Variants in HERC4 observed in about 807,000 individuals in gnomAD.
The protein encoded by HERC4 is probable E3 ubiquitin-protein ligase HERC4.
In HERC4, 28 loss-of-function variants were observed where a neutral mutation model predicts 124.3. The observed-to-expected ratio is 0.23, with a 90% CI of 0.17 to 0.31. The LOEUF (loss-of-function observed/expected upper bound fraction) is 0.31. HERC4 is among the 10% of genes least tolerant of loss of function. HERC4 has a pLI of 1.00. For missense variants in HERC4, 713 were observed against 1,229.3 expected (o/e 0.58, Z 6.28); for synonymous variants, 407 against 421.5 (o/e 0.97, Z 0.42).
At chr10:68,037,077 G>A (rs1461017602) in intron 5 of HERC4, among the ~76,000 whole-genome samples, 1 of 148,104 alleles carries the variant, frequency 6.8e-6, no homozygotes, top group Non-Finnish European at 1.5e-5. Context: ...TGGAGCAAAT[G>A]GAACCTATTT....
intron 8 of HERC4, among the ~76,000 whole-genome samples, chr10:68,017,984 T>C (rs1299559167): frequency 6.6e-6 from 1 of 152,164 alleles, no homozygotes; most frequent in Non-Finnish European, 1.5e-5. Context: ...TTTCAAGCTG[T>C]TCTATTTCCA....
At chr10:67,934,321 TTCA>T (rs1383987982) in intron 22 of HERC4, among the ~76,000 whole-genome samples, 1 of 152,232 alleles carries the variant, frequency 6.6e-6, no homozygotes, top group Non-Finnish European at 1.5e-5. Context: ...AGTTTGCTAA[TTCA>T]TCGCCAACTT....
chr10:67,923,191 T>C lies in HERC4; in HGVS notation c.2942-52A>G, dbSNP rs753863839. The C allele has an allele frequency of 3.7e-6, 5 of 1,353,236 alleles. No homozygotes were observed. In the African/African-American group the frequency reaches 4.3e-5, roughly 12 times the overall value. The allele number at this position is 1,353,236 out of a possible 1,614,324, so 83.8% of individuals were successfully genotyped here. ...ACCACTTCAAAACAAAAAGATACAGTAGCAAGTAATATTTGGTACAGTCGC... is the reference window on the plus strand; with the variant it reads ...ACCACTTCAAAACAAAAAGATACAGCAGCAAGTAATATTTGGTACAGTCGC... On this transcript the variant is annotated intron_variant, in intron 24 of 24. Coordinates refer to ENST00000373700, the MANE Select transcript of HERC4 (RefSeq NM_015601.4).
chr10:67,976,051 T>C (rs57861758), intron 15 of HERC4, among the ~76,000 whole-genome samples: 23 of 151,944 alleles, frequency 1.5e-4, no homozygotes, highest in Non-Finnish European at 2.6e-4. Flanking sequence ...TTTAAGTAAA[T>C]TTTGCTGGAA....
intron 8 of HERC4, among the ~76,000 whole-genome samples, chr10:68,021,634 C>T (rs2038631079): frequency 1.3e-5 from 2 of 152,212 alleles, no homozygotes; most frequent in African/African-American, 2.4e-5. Flanking sequence ...CATGTAGAAA[C>T]CCCATCTCTA....
chr10:67,956,273 A>G (rs2034138687), intron 17 of HERC4: 2 of 152,214 alleles, frequency 1.3e-5, no homozygotes, highest in South Asian at 4.1e-4. Context: ...GTAACCCTTT[A>G]AAGTCATAAT....
intron 19 of HERC4, among the ~76,000 whole-genome samples, chr10:67,953,719 T>C (rs1404751175): frequency 6.6e-6 from 1 of 152,224 alleles, no homozygotes; most frequent in African/African-American, 2.4e-5. Context: ...ATTCATTCTT[T>C]TGAAAAATTG....
At chr10:67,986,674 C>T (rs7918329) in intron 15 of HERC4, among the ~76,000 whole-genome samples, 3 of 152,172 alleles carry the variant, frequency 2.0e-5, no homozygotes, top group African/African-American at 7.2e-5. Flanking sequence ...ATAATGTAAA[C>T]AATACATAAA....
intron 21 of HERC4, among the ~76,000 whole-genome samples, chr10:67,936,611 A>G (rs78113937): frequency 3.9e-5 from 6 of 152,364 alleles, no homozygotes; most frequent in Admixed American, 3.9e-4. Flanking sequence ...TTCTTCCCAC[A>G]TGACAACTGC....
At chr10:67,938,642 T>C (rs1018062355) in intron 21 of HERC4, among the ~76,000 whole-genome samples, 1 of 151,764 alleles carries the variant, frequency 6.6e-6, no homozygotes, top group East Asian at 2.0e-4. Flanking sequence ...TGTGACTGGA[T>C]CAGTTATTTA....
chr10:68,038,027 T>C (rs1353751207), intron 5 of HERC4, 66 bp downstream of exon 5: 10 of 861,374 alleles, frequency 1.2e-5, no homozygotes, highest in Non-Finnish European at 1.7e-5. Context: ...TGGAGAACTA[T>C]ATGCACAATC....
intron 8 of HERC4, among the ~76,000 whole-genome samples, chr10:68,025,055 C>T (rs977872764): frequency 6.6e-6 from 1 of 152,048 alleles, no homozygotes; most frequent in Non-Finnish European, 1.5e-5. Context: ...GACCTTGTTG[C>T]TACTAAAAAT....
intron 21 of HERC4, among the ~76,000 whole-genome samples, chr10:67,939,267 T>C (rs569567249): frequency 6.6e-6 from 1 of 152,224 alleles, no homozygotes; most frequent in Non-Finnish European, 1.5e-5. Context: ...ATGTCTTGTA[T>C]TTGTCAATAT....
chr10:68,014,721 G>C (rs1304296725), intron 8 of HERC4, among the ~76,000 whole-genome samples: 1 of 152,122 alleles, frequency 6.6e-6, no homozygotes, highest in African/African-American at 2.4e-5. Flanking sequence ...AACTCCTCTG[G>C]AGGTACTACA....
chr10:67,991,185 G>A lies in HERC4; in HGVS notation c.1286C>T (p.Thr429Met), dbSNP rs775231001. The A allele has an allele frequency of 1.9e-6, 3 of 1,541,666 alleles. No homozygotes were observed. Among genetic ancestry groups the A allele is most frequent in the Admixed American group, 1.9e-5 (1 of 53,008 alleles). The change falls in exon 12 of 25, where the codon ACG (threonine) becomes ATG (methionine). Residue 429 changes from threonine to methionine, a missense_variant. Coordinates refer to ENST00000373700, the MANE Select transcript of HERC4 (RefSeq NM_015601.4). The part of the protein sequence containing the change: ...PVEIANEIDG[T>M]FSSSGCLNGS... Reference sequence around the variant, plus strand: ...ATTTAGGCAACCAGAGGAAGAAAACGTTCCATCTATCTCACTAAAAAATTT... The same window carrying A: ...ATTTAGGCAACCAGAGGAAGAAAACATTCCATCTATCTCACTAAAAAATTT...
At chr10:68,010,566 T>TCAATACTGGTTCG in intron 9 of HERC4, 1 of 1,072,598 alleles carries the variant, frequency 9.3e-7, no homozygotes, top group Non-Finnish European at 1.4e-6. Flanking sequence ...CTCCAGGTTC[T>TCAATACTGGTTCG]CAATACTGGT....
chr10:68,064,358 AGCCTG>A (rs2041190004), intron 3 of HERC4, among the ~76,000 whole-genome samples: 1 of 152,138 alleles, frequency 6.6e-6, no homozygotes, highest in Non-Finnish European at 1.5e-5. Flanking sequence ...GTTCAAGACC[AGCCTG>A]GCCATCATGG....
At chr10:68,007,445 T>C (rs1257863665) in intron 9 of HERC4, among the ~76,000 whole-genome samples, 4 of 152,170 alleles carry the variant, frequency 2.6e-5, no homozygotes, top group African/African-American at 7.2e-5. Context: ...TGTCTCTTCA[T>C]GTTTGGTCAC....
At chr10:68,015,431 T>C (rs985337296) in intron 8 of HERC4, among the ~76,000 whole-genome samples, 10 of 152,198 alleles carry the variant, frequency 6.6e-5, no homozygotes, top group South Asian at 2.1e-4. Context: ...GGTTTTGGAG[T>C]CGTTCTGTTT....
Sources: gnomAD v4.1 joint callset for allele counts (sites outside exome capture counted in the v4.1 genomes callset) on GRCh38, gnomAD v4.1.1 for gene constraint, MANE v1.5 for transcripts, NCBI Gene and HGNC (gene_info 2026-07-23, HGNC 2026-07-21) for gene names.